FSTL5: variants seen among roughly 807,000 people sequenced by gnomAD.
FSTL5 encodes the protein follistatin like 5, also known as follistatin-related protein 5.
FSTL5 carries 62 observed loss-of-function variants against 89.1 expected under a neutral mutation model. That is an observed-to-expected ratio of 0.70 (90% CI 0.57 to 0.86). FSTL5 has a LOEUF of 0.86. FSTL5 is among the 40% of genes least tolerant of loss of function. The pLI is 0.00. For missense variants in FSTL5, 1,057 were observed against 1,001.6 expected, an observed-to-expected ratio of 1.06 and a Z score of -0.75; for synonymous variants, 383 against 346.2, an observed-to-expected ratio of 1.11 and a Z score of -1.18.
chr4:161,655,416 C>A lies in FSTL5; in HGVS notation c.894+912G>T, dbSNP rs1560773504. ...CAGTGAACACATGACCCCAGATTGA[C>A]CAATCAGAGTATTACATTCTTGTAC... On this transcript the variant is annotated intron_variant, in intron 7 of 15. Transcript: ENST00000306100. 2.6e-4 allele frequency among the ~76,000 whole-genome samples: 40 copies of A among 152,064 alleles called. 1 individual carries two copies. Among genetic ancestry groups the A allele is most frequent in the African/African-American group, 9.6e-4 (40 of 41,524 alleles).
At chr4:161,730,875 A>G (rs1393690595) in intron 6 of FSTL5, among the ~76,000 whole-genome samples, 1 of 152,224 alleles carries the variant, frequency 6.6e-6, no homozygotes, top group Non-Finnish European at 1.5e-5. Context: ...AAAAACACGA[A>G]TATTCTTTTA....
intron 8 of FSTL5, among the ~76,000 whole-genome samples, chr4:161,544,042 A>C (rs1731925012): frequency 6.6e-6 from 1 of 152,062 alleles, no homozygotes; most frequent in African/African-American, 2.4e-5. Context: ...TAAAAAGCCA[A>C]CAATGCAATT....
intron 11 of FSTL5, among the ~76,000 whole-genome samples, chr4:161,507,868 T>C (rs1398812736): frequency 1.3e-5 from 2 of 152,088 alleles, no homozygotes; most frequent in African/African-American, 4.8e-5. Context: ...AATGGCATTA[T>C]GAGAGAAATT....
At chr4:161,445,440 A>G (rs1301701789) in intron 15 of FSTL5, among the ~76,000 whole-genome samples, 2 of 152,038 alleles carry the variant, frequency 1.3e-5, no homozygotes, top group East Asian at 1.9e-4. Flanking sequence ...TTAATCTTTT[A>G]CTTGCATATA....
chr4:162,067,573 T>A (rs1738961134), intron 2 of FSTL5, among the ~76,000 whole-genome samples: 1 of 152,036 alleles, frequency 6.6e-6, no homozygotes, highest in Admixed American at 6.6e-5. Context: ...ATAAGAGCCA[T>A]TTATGACAAA....
intron 8 of FSTL5, among the ~76,000 whole-genome samples, chr4:161,580,075 C>T (rs1733380894): frequency 2.6e-5 from 4 of 152,156 alleles, no homozygotes; most frequent in African/African-American, 7.2e-5. Flanking sequence ...ATAATTAGAA[C>T]ATTTATATAT....
chr4:161,919,291 T>C (rs990635820), intron 4 of FSTL5, among the ~76,000 whole-genome samples: 11 of 152,210 alleles, frequency 7.2e-5, no homozygotes, highest in African/African-American at 2.7e-4. Flanking sequence ...CAGTACACTA[T>C]GGTAAGTAAA....
chr4:161,584,556 C>T (rs1733542532), intron 8 of FSTL5, among the ~76,000 whole-genome samples: 1 of 152,174 alleles, frequency 6.6e-6, no homozygotes, highest in Non-Finnish European at 1.5e-5. Flanking sequence ...TTTGCAGCTA[C>T]TGCAAAGTTC....
intron 8 of FSTL5, among the ~76,000 whole-genome samples, chr4:161,579,331 G>A (rs1000176689): frequency 4.6e-5 from 7 of 152,034 alleles, no homozygotes. Context: ...TTTAAAAAAA[G>A]ATATAACTAA....
rs189831480 is a variant in FSTL5, at chr4:161,508,909, C to T, written c.1339+1489G>A. ...AACCGTCAAAGCCAGATCTGTAGTACTTGGTTCAGACTTGTTAAGTGTTAT... is the reference window on the plus strand; with the variant it reads ...AACCGTCAAAGCCAGATCTGTAGTATTTGGTTCAGACTTGTTAAGTGTTAT... On this transcript the variant is annotated intron_variant, in intron 11 of 15. Coordinates refer to ENST00000306100, the MANE Select transcript of FSTL5 (RefSeq NM_020116.5). 2.0e-3 allele frequency among the ~76,000 whole-genome samples: 310 copies of T among 152,188 alleles called. 4 individuals carry two copies. In the South Asian group the frequency reaches 0.022, roughly 11 times the overall value.
chr4:161,836,577 A>G (rs538570690), intron 4 of FSTL5, among the ~76,000 whole-genome samples: 2 of 151,984 alleles, frequency 1.3e-5, no homozygotes, highest in Non-Finnish European at 2.9e-5. Flanking sequence ...TGAGCTGGTC[A>G]TGGAGGCTCT....
At chr4:162,112,893 G>C (rs184641116) in intron 1 of FSTL5, among the ~76,000 whole-genome samples, 84 of 151,984 alleles carry the variant, frequency 5.5e-4, no homozygotes, top group African/African-American at 1.9e-3. Context: ...TTGTTGTTTT[G>C]TGGAAGAAAT....
chr4:162,029,186 T>C (rs7441439), intron 3 of FSTL5, among the ~76,000 whole-genome samples: 10 of 150,298 alleles, frequency 6.7e-5, no homozygotes, highest in South Asian at 4.3e-4. Flanking sequence ...TGTGTGTGTG[T>C]GCGTGTGTGT....
chr4:162,113,289 G>GT (rs1731517060), intron 1 of FSTL5, among the ~76,000 whole-genome samples: 1 of 138,298 alleles, frequency 7.2e-6, no homozygotes, highest in Admixed American at 7.7e-5. Context: ...GATATCTCTT[G>GT]TTTACCCTTT....
intron 7 of FSTL5, among the ~76,000 whole-genome samples, chr4:161,640,438 A>G (rs1450238549): frequency 2.6e-5 from 4 of 152,210 alleles, no homozygotes; most frequent in African/African-American, 9.6e-5. Context: ...AAAAGCATGT[A>G]TAAACAAGCA....
chr4:161,437,428 G>C (rs1008817117), intron 15 of FSTL5, among the ~76,000 whole-genome samples: 1 of 151,676 alleles, frequency 6.6e-6, no homozygotes, highest in African/African-American at 2.4e-5. Flanking sequence ...TTCGCCGGGC[G>C]TGGTGGCGGG....
chr4:161,568,460 A>ACAGTAGGGAAGT lies in FSTL5; in HGVS notation c.1015+18994_1015+18995insACTTCCCTACTG, dbSNP rs1732893350. ...CTTTACAGTAGGGAAGTTAGCTTTT[A>ACAGTAGGGAAGT]TATGCTGCAGCCTCCGCAGGTGGCT... On this transcript the variant is annotated intron_variant, in intron 8 of 15. Transcript: ENST00000306100. Among the ~76,000 whole-genome samples the ACAGTAGGGAAGT allele has an allele frequency of 2.0e-5, 3 of 152,254 alleles. No homozygotes were observed. The South Asian group carries it at 6.2e-4, about 32-fold the overall frequency.
intron 6 of FSTL5, among the ~76,000 whole-genome samples, chr4:161,715,430 T>G (rs1738940926): frequency 6.6e-6 from 1 of 152,158 alleles, no homozygotes; most frequent in East Asian, 1.9e-4. Flanking sequence ...GTCATTTTGT[T>G]TCCAGTCTCT....
chr4:161,478,085 T>C (rs1324090647), intron 13 of FSTL5, among the ~76,000 whole-genome samples: 2 of 152,112 alleles, frequency 1.3e-5, no homozygotes, highest in African/African-American at 4.8e-5. Context: ...TTTCAACTCA[T>C]ATATGTATAT....
Sources: allele counts gnomAD v4.1 joint callset (sites outside exome capture counted in the v4.1 genomes callset), GRCh38; gene constraint gnomAD v4.1.1; transcripts MANE v1.5; gene names NCBI Gene and HGNC (gene_info 2026-07-23, HGNC 2026-07-21).